AGAP1: variants seen among roughly 807,000 people sequenced by gnomAD.
The protein encoded by AGAP1 is ArfGAP with GTPase domain, ankyrin repeat and PH domain 1, also known as arf-GAP with GTPase, ANK repeat and PH domain-containing protein 1.
Under a neutral mutation model 105.3 loss-of-function variants are expected in AGAP1, and 29 were observed. The ratio of observed to expected loss-of-function variants is 0.28; its 90% confidence interval spans 0.21 to 0.38. The LOEUF (loss-of-function observed/expected upper bound fraction) is 0.38, where lower values mean the gene tolerates loss of function less well. AGAP1 is among the 10% of genes least tolerant of loss of function. The pLI, the probability that AGAP1 is intolerant of heterozygous loss-of-function variation, is 1.00. For missense variants in AGAP1, 998 were observed against 1,165.1 expected, an observed-to-expected ratio of 0.86 and a Z score of 2.09; for synonymous variants, 509 against 485.9, an observed-to-expected ratio of 1.05 and a Z score of -0.63.
intron 1 of AGAP1, among the ~76,000 whole-genome samples, chr2:235,509,484 C>T (rs1311806216): frequency 6.6e-6 from 1 of 152,150 alleles, no homozygotes; most frequent in African/African-American, 2.4e-5. Context: ...CCACCCTCCT[C>T]AGCCTCCCAA....
chr2:236,072,758 C>T (rs572479288), intron 16 of AGAP1, among the ~76,000 whole-genome samples: 1 of 152,172 alleles, frequency 6.6e-6, no homozygotes, highest in East Asian at 1.9e-4. Flanking sequence ...CTGCATCTAG[C>T]CCAAAAATAG....
intron 12 of AGAP1, among the ~76,000 whole-genome samples, chr2:235,956,266 C>T (rs1012365001): frequency 9.9e-5 from 15 of 152,174 alleles, no homozygotes; most frequent in Non-Finnish European, 1.9e-4. Flanking sequence ...TCCCATTTAT[C>T]GGAGTTCACC....
At chr2:235,998,539 A>G (rs1238614789) in intron 13 of AGAP1, among the ~76,000 whole-genome samples, 5 of 152,194 alleles carry the variant, frequency 3.3e-5, no homozygotes, top group Non-Finnish European at 5.9e-5. Flanking sequence ...AAAGGCTGGG[A>G]AAATGGAATG....
chr2:235,579,986 A>G (rs772128769), intron 1 of AGAP1, among the ~76,000 whole-genome samples: 14 of 151,746 alleles, frequency 9.2e-5, no homozygotes, highest in Non-Finnish European at 1.9e-4. Context: ...TTTCATATAA[A>G]CAGAACCATA....
rs538093582 is a variant in AGAP1 at position 235,729,246 on chromosome 2, C to T, written c.310+11602C>T. The stretch of plus-strand genomic sequence containing the variant: ...CGTGTGCCCCTTGAGGAGCCGCATC[C>T]GCTTATTGGGCCTAAGAAAAACTGA... On this transcript the variant is annotated intron_variant, in intron 3 of 17. Coordinates refer to ENST00000304032, the MANE Select transcript of AGAP1 (RefSeq NM_001037131.3). The surrounding 1 kb of genome is among the most constrained non-coding windows in gnomAD (Gnocchi z 5.0). Among the ~76,000 whole-genome samples, 7 of 152,286 alleles carry T rather than the reference C, an allele frequency of 4.6e-5. No homozygotes were observed. Among genetic ancestry groups the T allele is most frequent in the African/African-American group, 1.4e-4 (6 of 41,526 alleles).
chr2:236,075,187 A>G (rs978732032), intron 16 of AGAP1, among the ~76,000 whole-genome samples: 3 of 152,224 alleles, frequency 2.0e-5, no homozygotes, highest in African/African-American at 7.2e-5. Flanking sequence ...TCAGGTGGGC[A>G]TGAGGAATCT....
At chr2:235,619,073 A>G (rs1318518241) in intron 1 of AGAP1, among the ~76,000 whole-genome samples, 2 of 152,172 alleles carry the variant, frequency 1.3e-5, no homozygotes, top group African/African-American at 4.8e-5. Flanking sequence ...AGGCAAGGAA[A>G]TGGACTCTAC....
chr2:235,886,256 A>G (rs1203327470), intron 10 of AGAP1, among the ~76,000 whole-genome samples: 3 of 152,258 alleles, frequency 2.0e-5, no homozygotes, highest in Non-Finnish European at 2.9e-5. Flanking sequence ...TGCAATCAAA[A>G]TATCATTCTT....
rs1553568872 is a variant in AGAP1, at chr2:235,573,054, C to CTTCTTTCTTCT, written c.163+78210_163+78211insTCTTCTTTCTT. ...TCTTCTTCTTCTTCTTCTTCTTCTT[C>CTTCTTTCTTCT]TTCTTCTTTCTTCTTTCTTCTTTCT... On this transcript the variant is annotated intron_variant, in intron 1 of 17. Coordinates refer to ENST00000304032, the MANE Select transcript of AGAP1 (RefSeq NM_001037131.3). 8.6e-4 allele frequency among the ~76,000 whole-genome samples: 19 copies of CTTCTTTCTTCT among 22,178 alleles called. 2 individuals carry two copies. Among genetic ancestry groups the CTTCTTTCTTCT allele is most frequent in the African/African-American group, 2.5e-3 (9 of 3,662 alleles). The allele number at this position is 22,178 out of a possible 152,430, so 14.5% of individuals were successfully genotyped here. A position where few individuals can be genotyped will look rare whatever the true frequency, so the allele number is the denominator to read the frequency against.
rs1956683911 is a variant in AGAP1, at chr2:235,787,033, C to T, written c.674-10726C>T. On this transcript the variant is annotated intron_variant, in intron 6 of 17. Coordinates refer to ENST00000304032, the MANE Select transcript of AGAP1 (RefSeq NM_001037131.3). The surrounding 1 kb of genome is among the most constrained non-coding windows in gnomAD (Gnocchi z 4.4). ...CCCCAAATCAGGGTCTTGACACCAG[C>T]TCCTGCCACTCTGACACATACTTAG... 6.6e-6 allele frequency among the ~76,000 whole-genome samples: 1 copy of T among 152,250 alleles called. No individual in the cohort carries two copies. The highest frequency in any genetic ancestry group is 1.5e-5 in the Non-Finnish European group (1 of 68,044).
intron 1 of AGAP1, among the ~76,000 whole-genome samples, chr2:235,604,170 G>A (rs977918256): frequency 6.6e-6 from 1 of 151,880 alleles, no homozygotes; most frequent in African/African-American, 2.4e-5. Flanking sequence ...TGGTTCAGAT[G>A]TATCATTCCT....
chr2:236,079,809 C>G (rs572933396), intron 16 of AGAP1, among the ~76,000 whole-genome samples: 1 of 152,248 alleles, frequency 6.6e-6, no homozygotes, highest in Admixed American at 6.5e-5. Flanking sequence ...AATATGCTAA[C>G]ATGTATTCCA....
chr2:236,112,826 C>T (rs1383481965), intron 16 of AGAP1, among the ~76,000 whole-genome samples: 1 of 152,258 alleles, frequency 6.6e-6, no homozygotes, highest in Non-Finnish European at 1.5e-5. Flanking sequence ...AGGTTGCTGG[C>T]CGGCCACCTT....
At chr2:235,910,113 G>A (rs1202166172) in intron 11 of AGAP1, among the ~76,000 whole-genome samples, 2 of 85,642 alleles carry the variant, frequency 2.3e-5, no homozygotes, top group African/African-American at 4.3e-5. Flanking sequence ...AAGAGGGATG[G>A]TGCTGACTGC....
At chr2:235,817,836 G>C (rs1958545579) in intron 9 of AGAP1, among the ~76,000 whole-genome samples, 1 of 152,086 alleles carries the variant, frequency 6.6e-6, no homozygotes, top group African/African-American at 2.4e-5. Flanking sequence ...GGTTGCAGTG[G>C]GCTGCGATCG....
chr2:235,802,683 T>C, intron 8 of AGAP1, among the ~76,000 whole-genome samples: 1 of 150,636 alleles, frequency 6.6e-6, no homozygotes, highest in East Asian at 1.9e-4. Context: ...GTGATGATGG[T>C]TGTGGTGGTG....
intron 1 of AGAP1, among the ~76,000 whole-genome samples, chr2:235,546,408 A>T (rs1212312360): frequency 6.6e-6 from 1 of 152,094 alleles, no homozygotes; most frequent in Non-Finnish European, 1.5e-5. Context: ...GTCTGGAAGT[A>T]GCCAGGTTTT....
rs868217986 is a variant in AGAP1 at position 236,121,577 on chromosome 2, G to C, written c.2370+1130G>C. On this transcript the variant is annotated intron_variant, in intron 17 of 17. Transcript: ENST00000304032. The surrounding 1 kb of genome is among the most constrained non-coding windows in gnomAD (Gnocchi z 4.9). ...GCCTCCCAAAGTGCTGGGAGTACAGGCATGACCCACCACGCCCAGCCTTGA... is the reference window on the plus strand; with the variant it reads ...GCCTCCCAAAGTGCTGGGAGTACAGCCATGACCCACCACGCCCAGCCTTGA... 3.3e-5 allele frequency among the ~76,000 whole-genome samples: 5 copies of C among 152,178 alleles called. No individual in the cohort carries two copies. Among genetic ancestry groups the C allele is most frequent in the Non-Finnish European group, 7.4e-5 (5 of 68,026 alleles).
At chr2:235,831,349 T>C (rs558032363) in intron 9 of AGAP1, among the ~76,000 whole-genome samples, 1 of 152,328 alleles carries the variant, frequency 6.6e-6, no homozygotes, top group African/African-American at 2.4e-5. Context: ...ATCTGTACTT[T>C]AGGGTTCACT....
Sources: allele counts gnomAD v4.1 joint callset (sites outside exome capture counted in the v4.1 genomes callset), GRCh38; gene constraint gnomAD v4.1.1; non-coding constraint Gnocchi (gnomAD v3.1); transcripts MANE v1.5; gene names NCBI Gene and HGNC (gene_info 2026-07-23, HGNC 2026-07-21).